Variants in RASSF8 observed in about 807,000 individuals in gnomAD.
RASSF8 encodes Ras association domain family member 8, also known as ras association domain-containing protein 8.
RASSF8 carries 22 observed loss-of-function variants against 48.5 expected under a neutral mutation model. The ratio of observed to expected loss-of-function variants is 0.45; its 90% CI spans 0.32 to 0.65. RASSF8 has a LOEUF of 0.65. Ranked by LOEUF, RASSF8 falls within the 30% of genes least tolerant of loss-of-function variation. RASSF8 has a pLI of 0.03. For synonymous variants in RASSF8, 127 were observed against 171.5 expected (o/e 0.74, Z 2.03); for missense variants, 418 against 489.2 (o/e 0.85, Z 1.37).
At chr12:26,078,916 C>A (rs967082898) in intron 5 of RASSF8, 7 of 942,094 alleles carry the variant, frequency 7.4e-6, no homozygotes, top group Admixed American at 3.9e-5. Context: ...AGGCGCTAAC[C>A]GAAAAGACAA....
At chr12:26,029,176 A>G (rs1032257522) in intron 2 of RASSF8, among the ~76,000 whole-genome samples, 63 of 152,092 alleles carry the variant, frequency 4.1e-4, no homozygotes, top group African/African-American at 1.4e-3. Flanking sequence ...TCTCATGTCT[A>G]TCATGTAGAT....
chr12:26,035,489 A>G (rs922476731), intron 2 of RASSF8, among the ~76,000 whole-genome samples: 2 of 137,262 alleles, frequency 1.5e-5, no homozygotes, highest in Non-Finnish European at 3.1e-5. Context: ...TTATATAATT[A>G]TATGAAATTA....
chr12:25,990,868 C>T (rs962466108), intron 1 of RASSF8, among the ~76,000 whole-genome samples: 13 of 152,102 alleles, frequency 8.5e-5, no homozygotes, highest in South Asian at 4.1e-4. Flanking sequence ...CAATTTCAAA[C>T]GGGTTTTCTC....
chr12:25,976,133 AGG>A (rs1374467893), intron 1 of RASSF8, among the ~76,000 whole-genome samples: 2 of 152,202 alleles, frequency 1.3e-5, no homozygotes, highest in African/African-American at 4.8e-5. Flanking sequence ...AGGGAACCTA[AGG>A]CTGTTTCATG....
In RASSF8 at chr12:25,958,814, G is replaced by A. The variant is rs981294481; in HGVS notation, c.-537G>A. The A allele has an allele frequency of 2.0e-5, 3 of 146,822 alleles. No homozygotes were observed. Among genetic ancestry groups the A allele is most frequent in the Admixed American group, 1.4e-4 (2 of 14,754 alleles). The allele number at this position is 146,822 out of a possible 1,614,324, so 9.1% of individuals were successfully genotyped here. On this transcript the variant is annotated 5_prime_UTR_variant, in exon 1 of 6. Transcript: ENST00000689635. ...GCCCAGCTCCTCGCCCAGCCTCGCC[G>A]AGCCTCGCCCTTCCCGCCCGCGGCG... is the stretch of plus-strand genomic sequence containing the variant.
At chr12:25,960,004 ACCTGTCAGGTTAGC>A (rs1227711009) in intron 1 of RASSF8, among the ~76,000 whole-genome samples, 4 of 152,008 alleles carry the variant, frequency 2.6e-5, no homozygotes, top group African/African-American at 4.8e-5. Context: ...GCTGACTTAA[ACCTGTCAGGTTAGC>A]CCTGTCAGGT....
At chr12:26,039,277 T>C (rs1943215117) in intron 2 of RASSF8, among the ~76,000 whole-genome samples, 1 of 152,238 alleles carries the variant, frequency 6.6e-6, no homozygotes. Flanking sequence ...GTGATCTCTC[T>C]GTCTGCTGCT....
Position 26,071,242 on chromosome 12 carries a change from A to G in RASSF8, c.*2424A>G. On this transcript the variant is annotated 3_prime_UTR_variant, in exon 6 of 6. Transcript: ENST00000689635. ...AAGATACTTTAGTATATTTGTGATC[A>G]TTTTTATCTATTGCAAATACAAATG... 1 of 983,900 alleles carries G rather than the reference A, an allele frequency of 1.0e-6. No homozygotes were observed. The highest frequency in any genetic ancestry group is 1.2e-6 in the Non-Finnish European group (1 of 828,574). 60.9% of individuals were successfully genotyped at this position (983,900 alleles called of 1,614,324 possible). A position where few individuals can be genotyped will look rare whatever the true frequency, so the allele number is the denominator to read the frequency against.
chr12:26,067,749 A>G (rs1236952463), intron 5 of RASSF8, 36 bp downstream of exon 5: 1 of 1,610,396 alleles, frequency 6.2e-7, no homozygotes, highest in Admixed American at 1.7e-5. Flanking sequence ...TTTTCCCTTT[A>G]TTCTCACTGC....
In RASSF8 at chr12:26,068,598, A is replaced by C. The variant is rs535674009; in HGVS notation, c.1139-99A>C. On this transcript the variant is annotated intron_variant, in intron 5 of 5. Transcript: ENST00000689635. ...GGGGATTGCAATTATTGCTCTATGC[A>C]GTTTTCCCTTTTGGGGTAGGAAGCA... 1.0e-3 allele frequency: 930 copies of C among 929,658 alleles called. 10 individuals carry two copies. The highest frequency in any genetic ancestry group is 2.1e-4 in the Non-Finnish European group (130 of 608,810). The allele number at this position is 929,658 out of a possible 1,614,324, so 57.6% of individuals were successfully genotyped here.
In RASSF8 at chr12:26,015,781, A is replaced by C. The variant is rs1380218517; in HGVS notation, c.-109+20651A>C. Among the ~76,000 whole-genome samples, 9 of 152,334 alleles carry C rather than the reference A, an allele frequency of 5.9e-5. No homozygotes were observed. In the East Asian group the frequency reaches 1.3e-3, roughly 23 times the overall value. On this transcript the variant is annotated intron_variant, in intron 2 of 5. Transcript: ENST00000689635. Reference sequence around the variant, plus strand: ...AAAAATAAACGAAATTAAAGAAAATAACTCATTAGCAATGTTTTTTTTCAG... The same window carrying C: ...AAAAATAAACGAAATTAAAGAAAATCACTCATTAGCAATGTTTTTTTTCAG...
chr12:26,008,886 T>C (rs1237789508), intron 2 of RASSF8, among the ~76,000 whole-genome samples: 1 of 152,214 alleles, frequency 6.6e-6, no homozygotes, highest in Non-Finnish European at 1.5e-5. Flanking sequence ...GTCACTCTTT[T>C]ATTCATCTTG....
chr12:26,063,324 A>T (rs1943788145), intron 3 of RASSF8, among the ~76,000 whole-genome samples: 2 of 152,342 alleles, frequency 1.3e-5, no homozygotes, highest in South Asian at 4.1e-4. Flanking sequence ...TTCTTCTGAA[A>T]CTTTATCTTA....
chr12:26,054,756 A>T (rs1943565814), intron 2 of RASSF8, among the ~76,000 whole-genome samples: 2 of 152,062 alleles, frequency 1.3e-5, no homozygotes, highest in Non-Finnish European at 2.9e-5. Flanking sequence ...TGTTTGTTTT[A>T]AATCAGGAAT....
At chr12:26,079,221 G>T (rs1297223847) in exon 6 of RASSF8, 3 of 530,636 alleles carry the variant, frequency 5.7e-6, no homozygotes. Context: ...ACCGTTATCT[G>T]GTAAGGGTTT....
chr12:25,988,775 A>G (rs960269302), intron 1 of RASSF8, among the ~76,000 whole-genome samples: 2 of 152,160 alleles, frequency 1.3e-5, no homozygotes, highest in Admixed American at 6.6e-5. Context: ...GGGACCATAA[A>G]GAAGAAATGG....
At chr12:25,994,383 G>A (rs1942084452) in intron 1 of RASSF8, among the ~76,000 whole-genome samples, 1 of 152,148 alleles carries the variant, frequency 6.6e-6, no homozygotes, top group African/African-American at 2.4e-5. Flanking sequence ...GAATGTGGCA[G>A]ACATATGAAT....
chr12:26,072,732 T>C lies in RASSF8; in HGVS notation c.*3914T>C, dbSNP rs1591825649. On this transcript the variant is annotated 3_prime_UTR_variant, in exon 6 of 6. Transcript: ENST00000689635. ...CTTTGCTTATGTACAAATAAATCTG[T>C]AATATGTATTATATGTAATTATCCT... 1 of 956,894 alleles carries C rather than the reference T, an allele frequency of 1.0e-6. No individual in the cohort carries two copies. The highest frequency in any genetic ancestry group is 1.2e-6 in the Non-Finnish European group (1 of 804,000). 59.3% of individuals were successfully genotyped at this position (956,894 alleles called of 1,614,324 possible). A position where few individuals can be genotyped will look rare whatever the true frequency, so the allele number is the denominator to read the frequency against.
Position 26,017,046 on chromosome 12 carries a change from A to G in RASSF8, c.-109+21916A>G, listed in dbSNP as rs146961178. Among the ~76,000 whole-genome samples the G allele has an allele frequency of 4.9e-3, 747 of 152,314 alleles. 3 individuals carry two copies. Among genetic ancestry groups the G allele is most frequent in the Admixed American group, 7.6e-3 (117 of 15,308 alleles). On this transcript the variant is annotated intron_variant, in intron 2 of 5. Coordinates refer to ENST00000689635, the MANE Select transcript of RASSF8 (RefSeq NM_001394098.1). Reference sequence around the variant, plus strand: ...TCCTATGTGTGAATAATATTAAATGAGGAAACATTCTTACTTGGTTTTCTT... The same window carrying G: ...TCCTATGTGTGAATAATATTAAATGGGGAAACATTCTTACTTGGTTTTCTT...
Sources: gnomAD v4.1 joint callset for allele counts (sites outside exome capture counted in the v4.1 genomes callset) on GRCh38, gnomAD v4.1.1 for gene constraint, MANE v1.5 for transcripts, NCBI Gene and HGNC (gene_info 2026-07-23, HGNC 2026-07-21) for gene names.